KDM4C: variants seen among roughly 807,000 people sequenced by gnomAD.
The protein encoded by KDM4C is lysine-specific demethylase 4C.
Under a neutral mutation model 129.3 loss-of-function variants are expected in KDM4C, and 81 were observed. That is an observed-to-expected ratio of 0.63 (90% CI 0.52 to 0.75). KDM4C has a LOEUF of 0.75. Ranked by LOEUF, KDM4C falls within the 30% of genes least tolerant of loss-of-function variation. The pLI is 0.00. For missense variants in KDM4C, 1,457 were observed against 1,304.0 expected (o/e 1.12, Z -1.81); for synonymous variants, 573 against 456.1 (o/e 1.26, Z -3.26).
intron 1 of KDM4C, among the ~76,000 whole-genome samples, chr9:6,771,917 G>C (rs1821926632): frequency 6.6e-6 from 1 of 152,148 alleles, no homozygotes; most frequent in African/African-American, 2.4e-5. Flanking sequence ...GACTCAAGTA[G>C]CTCTTGCAGG....
intron 12 of KDM4C, among the ~76,000 whole-genome samples, chr9:6,995,216 G>A (rs115279878): frequency 4.0e-5 from 6 of 151,822 alleles, no homozygotes; most frequent in Non-Finnish European, 5.9e-5. Context: ...GACTAAGTCA[G>A]TTCAGGAGAA....
intron 21 of KDM4C, among the ~76,000 whole-genome samples, chr9:7,173,271 A>C (rs550470359): frequency 1.3e-5 from 2 of 152,228 alleles, no homozygotes; most frequent in Non-Finnish European, 2.9e-5. Context: ...TAACTTTCAC[A>C]GAAATGAAAC....
chr9:6,901,332 G>T (rs1191132263), intron 8 of KDM4C, among the ~76,000 whole-genome samples: 1 of 152,310 alleles, frequency 6.6e-6, no homozygotes, highest in Non-Finnish European at 1.5e-5. Context: ...AGGTTCTGCT[G>T]AGGTGACACA....
At chr9:7,141,517 T>G (rs1841739755) in intron 19 of KDM4C, among the ~76,000 whole-genome samples, 1 of 152,106 alleles carries the variant, frequency 6.6e-6, no homozygotes, top group South Asian at 2.1e-4. Flanking sequence ...AAATCAAGAG[T>G]ACCAGGTGAT....
rs1554751922 is a variant in KDM4C, at chr9:7,122,265, A to ACT, written c.2611-5782_2611-5781dup. On this transcript the variant is annotated intron_variant, in intron 18 of 21. Transcript: ENST00000381309. ...CACACACACACACACACACACACAC[A>ACT]CTCTCTCTCTCTCTCTCTCTTAAAC... 2.5e-3 allele frequency among the ~76,000 whole-genome samples: 364 copies of ACT among 144,812 alleles called. 1 individual carries two copies. The highest frequency in any genetic ancestry group is 4.0e-3 in the Non-Finnish European group (265 of 66,410).
intron 17 of KDM4C, among the ~76,000 whole-genome samples, chr9:7,065,573 A>G (rs1158174756): frequency 6.6e-6 from 1 of 152,222 alleles, no homozygotes; most frequent in Non-Finnish European, 1.5e-5. Context: ...TGGCAAAGGT[A>G]TAATTTTAAT....
chr9:6,723,041 A>C (rs571536196), intron 1 of KDM4C, among the ~76,000 whole-genome samples: 9 of 152,074 alleles, frequency 5.9e-5, no homozygotes, highest in Non-Finnish European at 1.3e-4. Flanking sequence ...TCAAACAGCA[A>C]GAGATTTACA....
intron 5 of KDM4C, among the ~76,000 whole-genome samples, chr9:6,862,064 G>A (rs571752274): frequency 2.0e-4 from 30 of 151,960 alleles, no homozygotes; most frequent in African/African-American, 4.1e-4. Context: ...GAGCCAACGC[G>A]CCTGACCTAC....
chr9:6,802,629 A>T (rs972940993), intron 2 of KDM4C, among the ~76,000 whole-genome samples: 1 of 152,090 alleles, frequency 6.6e-6, no homozygotes, highest in Non-Finnish European at 1.5e-5. Context: ...TTGCTTATTT[A>T]TTTATTTATT....
intron 1 of KDM4C, among the ~76,000 whole-genome samples, chr9:6,750,079 AT>A (rs1394275032): frequency 1.3e-5 from 2 of 152,024 alleles, no homozygotes; most frequent in Admixed American, 6.6e-5. Flanking sequence ...ATGTAAGGCA[AT>A]TTGTAGACAA....
intron 17 of KDM4C, among the ~76,000 whole-genome samples, chr9:7,054,238 T>TTGGTG (rs1216993075): frequency 3.3e-5 from 5 of 152,230 alleles, no homozygotes; most frequent in African/African-American, 4.8e-5. Context: ...TCACAGGTGA[T>TTGGTG]TGGTGTGCCT....
intron 1 of KDM4C, chr9:6,734,492 C>G (rs1278765849): frequency 1.2e-5 from 2 of 168,792 alleles, no homozygotes; most frequent in Non-Finnish European, 2.5e-5. Flanking sequence ...CAGGGTTTCT[C>G]CATGTTGGCC....
chr9:7,123,669 A>C (rs960145075), intron 18 of KDM4C, among the ~76,000 whole-genome samples: 1 of 152,226 alleles, frequency 6.6e-6, no homozygotes, highest in Admixed American at 6.5e-5. Context: ...AAGGGATGGT[A>C]ACTGAAAGAG....
At chr9:6,755,420 A>C (rs1394617419), upstream of KDM4C, among the ~76,000 whole-genome samples, 2 of 151,876 alleles carry the variant, frequency 1.3e-5, no homozygotes, top group Non-Finnish European at 2.9e-5. Flanking sequence ...ACATGCCTGT[A>C]ATGCCAGCTG....
chr9:7,055,042 G>A (rs1830684928), intron 17 of KDM4C, among the ~76,000 whole-genome samples: 1 of 152,090 alleles, frequency 6.6e-6, no homozygotes, highest in Admixed American at 6.5e-5. Context: ...CCGGGTGTGG[G>A]TGGTGCATGC....
intron 15 of KDM4C, among the ~76,000 whole-genome samples, chr9:7,035,710 C>A (rs564466619): frequency 1.3e-5 from 2 of 152,036 alleles, no homozygotes; most frequent in Non-Finnish European, 2.9e-5. Flanking sequence ...ATGTGGATAT[C>A]CAATTTTTCC....
intron 4 of KDM4C, among the ~76,000 whole-genome samples, chr9:6,833,028 G>C (rs1588577075): frequency 1.3e-5 from 2 of 151,904 alleles, no homozygotes; most frequent in Admixed American, 1.3e-4. Context: ...GAGCCACTGT[G>C]CCTGGTCGTA....
intron 8 of KDM4C, among the ~76,000 whole-genome samples, chr9:6,912,781 T>C (rs1174069071): frequency 6.6e-6 from 1 of 152,214 alleles, no homozygotes; most frequent in Non-Finnish European, 1.5e-5. Context: ...AACTGATGGT[T>C]GCTCCCGGAG....
At chr9:6,890,993 A>G (rs1333182425) in intron 7 of KDM4C, among the ~76,000 whole-genome samples, 2 of 152,210 alleles carry the variant, frequency 1.3e-5, no homozygotes, top group Non-Finnish European at 2.9e-5. Context: ...GGCACGGGAC[A>G]GTGGTGTTAT....
Sources: allele counts gnomAD v4.1 joint callset (sites outside exome capture counted in the v4.1 genomes callset), GRCh38; gene constraint gnomAD v4.1.1; transcripts MANE v1.5; gene names NCBI Gene and HGNC (gene_info 2026-07-23, HGNC 2026-07-21).